The following NINJ2 variants were observed in gnomAD, a reference collection of about 807,000 sequenced individuals.
The protein encoded by NINJ2 is ninjurin 2.
In NINJ2, 12 loss-of-function variants were observed where a neutral mutation model predicts 11.7. The ratio of observed to expected loss-of-function variants is 1.02; its 90% confidence interval spans 0.66 to 1.66. NINJ2 has a LOEUF of 1.66. NINJ2 is among the 40% of genes most tolerant of loss of function. The pLI is 0.00. For synonymous variants in NINJ2, 93 were observed against 76.8 expected (o/e 1.21, Z -1.10); for missense variants, 187 against 181.8 (o/e 1.03, Z -0.16).
intron 1 of NINJ2, among the ~76,000 whole-genome samples, chr12:611,369 GCT>G (rs60184217): frequency 0.11 from 14,760 of 131,008 alleles, 945 homozygotes; most frequent in African/African-American, 0.2. Context: ...TTTTTGTCTT[GCT>G]CTGTCACCCA....
At chr12:606,032 A>C (rs1180883380) in intron 1 of NINJ2, among the ~76,000 whole-genome samples, 3 of 152,152 alleles carry the variant, frequency 2.0e-5, no homozygotes, top group Non-Finnish European at 4.4e-5. Context: ...ACTGTGTCTT[A>C]TTTTAGTTTA....
intron 1 of NINJ2, chr12:610,729 CTTTTT>C (rs71045085): frequency 8.2e-4 from 170 of 208,124 alleles, no homozygotes; most frequent in Non-Finnish European, 9.9e-4. Flanking sequence ...GAAATCTATT[CTTTTT>C]TTTTTTTTTT....
intron 2 of NINJ2, 127 bp from the exon 3 acceptor site, chr12:565,528 G>A: frequency 9.9e-7 from 1 of 1,011,392 alleles, no homozygotes; most frequent in Non-Finnish European, 1.5e-6. Context: ...AATCAAGGGA[G>A]GTGGTCGTCA....
chr12:591,553 T>G lies in NINJ2; in HGVS notation c.34-25375A>C, dbSNP rs909834096. Among the ~76,000 whole-genome samples the G allele has an allele frequency of 6.6e-6, 1 of 152,154 alleles. No individual in the cohort carries two copies. The highest frequency in any genetic ancestry group is 1.5e-5 in the Non-Finnish European group (1 of 68,020). On this transcript the variant is annotated intron_variant, in intron 1 of 3. Coordinates refer to ENST00000305108, the MANE Select transcript of NINJ2 (RefSeq NM_016533.6). The surrounding 1 kb of genome is among the most constrained non-coding windows in gnomAD (Gnocchi z 5.0). The stretch of plus-strand genomic sequence containing the variant: ...GGCAACTCTGATTGCAGAAGCTCTC[T>G]GGATGGGCAGTGCTAGCGGAGTTCC...
Position 564,339 on chromosome 12 carries a change from G to C in NINJ2, c.*361C>G, listed in dbSNP as rs1947260634. 1 of 152,240 alleles carries C rather than the reference G, an allele frequency of 6.6e-6. No homozygotes were observed. The allele number at this position is 152,240 out of a possible 1,614,324, so 9.4% of individuals were successfully genotyped here. A position where few individuals can be genotyped will look rare whatever the true frequency, so the allele number is the denominator to read the frequency against. Reference sequence around the variant, plus strand: ...TATAGATATAGATTCCATTTTACAAGAAGGGAAAATTGAGGCCTGGAGCAG... The same window carrying C: ...TATAGATATAGATTCCATTTTACAACAAGGGAAAATTGAGGCCTGGAGCAG... On this transcript the variant is annotated 3_prime_UTR_variant, in exon 4 of 4. Coordinates refer to ENST00000305108, the MANE Select transcript of NINJ2 (RefSeq NM_016533.6).
At position 581,169 on chromosome 12, in the gene NINJ2, G is replaced by C. The variant is rs11063704; in HGVS notation, c.34-14991C>G. Among the ~76,000 whole-genome samples the C allele has an allele frequency of 6.7e-6, 1 of 150,196 alleles. No individual in the cohort carries two copies. The highest frequency in any genetic ancestry group is 2.5e-5 in the African/African-American group (1 of 40,624). ...TGTGTGCATGTGTCTCTGTGTGTGT[G>C]TGTGTGTCTGTGTGTGTGTCTGTCT... On this transcript the variant is annotated intron_variant, in intron 1 of 3. Transcript: ENST00000305108. This position sits in a 1 kb window ranked among gnomAD's most constrained non-coding sequence, Gnocchi z 4.9.
chr12:567,522 G>A (rs781736534), intron 1 of NINJ2, among the ~76,000 whole-genome samples: 108 of 152,222 alleles, frequency 7.1e-4, no homozygotes, highest in Non-Finnish European at 1.3e-3. Flanking sequence ...TGGGTGGATG[G>A]ATGGATGCGT....
chr12:645,515 A>G (rs1208181703), intron 1 of NINJ2: 1 of 152,252 alleles, frequency 6.6e-6, no homozygotes, highest in African/African-American at 2.4e-5. Context: ...CTTCTGAGAT[A>G]AAAATTATTA....
In NINJ2 at chr12:577,416, C is replaced by CATATATATATATATGTAT. The variant is rs536829310; in HGVS notation, c.34-11239_34-11238insATACATATATATATATAT. Among the ~76,000 whole-genome samples the CATATATATATATATGTAT allele has an allele frequency of 1.3e-4, 16 of 121,268 alleles. 1 individual carries two copies. In the South Asian group the frequency reaches 3.7e-3, roughly 28 times the overall value. The allele number at this position is 121,268 out of a possible 152,430, so 79.6% of individuals were successfully genotyped here. A position where few individuals can be genotyped will look rare whatever the true frequency, so the allele number is the denominator to read the frequency against. ...ATAAGTTGAGAAGCAACACTAGTCTCATATATATATATACATATATATATA... is the reference window on the plus strand; with the variant it reads ...ATAAGTTGAGAAGCAACACTAGTCTCATATATATATATATGTATATATATATATATACATATATATATA... On this transcript the variant is annotated intron_variant, in intron 1 of 3. Transcript: ENST00000305108.
intron 1 of NINJ2, chr12:642,747 G>C (rs1948436061): frequency 6.6e-6 from 1 of 152,182 alleles, no homozygotes; most frequent in Non-Finnish European, 1.5e-5. Flanking sequence ...AGGTGAGGGC[G>C]GCCCTGGGCC....
intron 1 of NINJ2, among the ~76,000 whole-genome samples, chr12:639,583 C>T (rs1948396007): frequency 1.3e-5 from 2 of 152,206 alleles, no homozygotes; most frequent in Non-Finnish European, 2.9e-5. Flanking sequence ...GCCACCCTAA[C>T]CTATGGCTCC....
chr12:599,747 C>A (rs1947841855), intron 1 of NINJ2, among the ~76,000 whole-genome samples: 1 of 152,198 alleles, frequency 6.6e-6, no homozygotes, highest in South Asian at 2.1e-4. Context: ...CTCCCAGCCC[C>A]ACGACTGCGC....
At chr12:593,878 T>C (rs1456513468) in intron 1 of NINJ2, among the ~76,000 whole-genome samples, 1 of 152,064 alleles carries the variant, frequency 6.6e-6, no homozygotes, top group African/African-American at 2.4e-5. Flanking sequence ...GGCAAATTAT[T>C]TATCAAATAA....
At chr12:589,180 A>C (rs1441817771) in intron 1 of NINJ2, among the ~76,000 whole-genome samples, 1 of 152,218 alleles carries the variant, frequency 6.6e-6, no homozygotes, top group African/African-American at 2.4e-5. Flanking sequence ...GCTGGCCTAC[A>C]ACCACACAAT....
intron 1 of NINJ2, among the ~76,000 whole-genome samples, chr12:582,448 C>T (rs113772387): frequency 1.3e-4 from 14 of 109,978 alleles, no homozygotes; most frequent in Non-Finnish European, 1.8e-4. Context: ...AATGAATGGA[C>T]GCAGGCAGGC....
chr12:623,313 A>G (rs1394462457), intron 1 of NINJ2, among the ~76,000 whole-genome samples: 2 of 152,022 alleles, frequency 1.3e-5, no homozygotes, highest in Non-Finnish European at 2.9e-5. Context: ...TCTAGGAAGG[A>G]TCTCCCAGCC....
At chr12:604,727 G>A (rs1947917173) in intron 1 of NINJ2, among the ~76,000 whole-genome samples, 1 of 152,224 alleles carries the variant, frequency 6.6e-6, no homozygotes, top group South Asian at 2.1e-4. Flanking sequence ...GGCACTGGGT[G>A]TGGGGACACA....
chr12:569,259 G>A (rs557246273), intron 1 of NINJ2, among the ~76,000 whole-genome samples: 112 of 152,322 alleles, frequency 7.4e-4, no homozygotes, highest in Non-Finnish European at 1.2e-3. Flanking sequence ...GGATCCCAGG[G>A]CCAACACTTC....
intron 1 of NINJ2, among the ~76,000 whole-genome samples, chr12:619,686 G>C (rs1948131226): frequency 6.6e-6 from 1 of 152,158 alleles, no homozygotes; most frequent in African/African-American, 2.4e-5. Flanking sequence ...GCTGTGGCTG[G>C]GTTTAGAATG....
Sources: allele counts gnomAD v4.1 joint callset (sites outside exome capture counted in the v4.1 genomes callset), GRCh38; gene constraint gnomAD v4.1.1; non-coding constraint Gnocchi (gnomAD v3.1); transcripts MANE v1.5; gene names NCBI Gene and HGNC (gene_info 2026-07-23, HGNC 2026-07-21).